Variants in CHCHD3 observed in about 807,000 individuals in gnomAD.
CHCHD3 encodes MICOS complex subunit MIC19.
Under a neutral mutation model 38.2 loss-of-function variants are expected in CHCHD3, and 20 were observed. The observed-to-expected ratio is 0.52, with a 90% CI of 0.37 to 0.76. The LOEUF (loss-of-function observed/expected upper bound fraction) is 0.76, where lower values mean the gene tolerates loss of function less well. Ranked by LOEUF, CHCHD3 falls within the 30% of genes least tolerant of loss-of-function variation. The pLI, the probability that CHCHD3 is intolerant of heterozygous loss-of-function variation, is 0.00. For synonymous variants in CHCHD3, 82 were observed against 100.0 expected (o/e 0.82, Z 1.07); for missense variants, 245 against 279.2 (o/e 0.88, Z 0.87).
intron 3 of CHCHD3, among the ~76,000 whole-genome samples, chr7:133,018,875 CTTTTTTTT>C (rs5887607): frequency 2.9e-5 from 2 of 70,150 alleles, no homozygotes; most frequent in Non-Finnish European, 4.9e-5. Flanking sequence ...CATGATTTCT[CTTTTTTTT>C]TTTTTTTTTT....
At chr7:132,801,680 T>C (rs1176475564) in intron 6 of CHCHD3, among the ~76,000 whole-genome samples, 1 of 152,220 alleles carries the variant, frequency 6.6e-6, no homozygotes, top group Non-Finnish European at 1.5e-5. Context: ...ATGAGGGCCA[T>C]ACTATTTAAT....
intron 4 of CHCHD3, among the ~76,000 whole-genome samples, chr7:132,889,289 A>G (rs1809302282): frequency 6.6e-6 from 1 of 152,064 alleles, no homozygotes; most frequent in African/African-American, 2.4e-5. Flanking sequence ...AAACACTCAT[A>G]CTAGGTAATG....
chr7:132,859,479 A>G (rs1808427518), intron 5 of CHCHD3, among the ~76,000 whole-genome samples: 2 of 152,242 alleles, frequency 1.3e-5, no homozygotes, highest in South Asian at 4.1e-4. Flanking sequence ...CAGCAATTAT[A>G]AAGGTCAAAG....
chr7:132,793,527 T>C (rs1198231508), intron 7 of CHCHD3, among the ~76,000 whole-genome samples: 1 of 152,198 alleles, frequency 6.6e-6, no homozygotes, highest in African/African-American at 2.4e-5. Context: ...TGAGAAATTG[T>C]TGAAGAACAG....
intron 5 of CHCHD3, among the ~76,000 whole-genome samples, chr7:132,858,305 C>T (rs1302913209): frequency 6.6e-6 from 1 of 152,052 alleles, no homozygotes; most frequent in African/African-American, 2.4e-5. Context: ...TCAGGTGATC[C>T]ACCTGCTTCA....
intron 2 of CHCHD3, among the ~76,000 whole-genome samples, chr7:133,067,289 C>G (rs1198041977): frequency 2.0e-5 from 3 of 152,176 alleles, no homozygotes; most frequent in African/African-American, 7.2e-5. Context: ...AATCTACCTA[C>G]AACAAATCAT....
At chr7:132,797,859 A>G (rs1389421821) in intron 6 of CHCHD3, among the ~76,000 whole-genome samples, 2 of 152,202 alleles carry the variant, frequency 1.3e-5, no homozygotes, top group Non-Finnish European at 2.9e-5. Flanking sequence ...GATTAAATAC[A>G]TACAGAGAAA....
intron 5 of CHCHD3, among the ~76,000 whole-genome samples, chr7:132,867,757 C>T (rs1350161965): frequency 2.0e-5 from 3 of 151,676 alleles, no homozygotes; most frequent in Non-Finnish European, 4.4e-5. Context: ...ATACCAATAC[C>T]CTGTTATGCT....
intron 4 of CHCHD3, among the ~76,000 whole-genome samples, chr7:132,896,998 T>C (rs1809517673): frequency 6.6e-6 from 1 of 152,224 alleles, no homozygotes; most frequent in Admixed American, 6.5e-5. Flanking sequence ...TATCAACTAC[T>C]GAATGCTACC....
At chr7:132,885,230 C>T (rs1051720860) in intron 5 of CHCHD3, among the ~76,000 whole-genome samples, 4 of 151,804 alleles carry the variant, frequency 2.6e-5, no homozygotes, top group Admixed American at 2.0e-4. Context: ...CCAGTCTGGG[C>T]GACAGAGTGA....
chr7:133,016,140 C>T (rs1183097383), intron 3 of CHCHD3, among the ~76,000 whole-genome samples: 2 of 152,142 alleles, frequency 1.3e-5, no homozygotes, highest in Non-Finnish European at 2.9e-5. Context: ...AGAACCAAAC[C>T]ATATAACTTG....
chr7:132,807,912 G>A (rs1806973327), intron 6 of CHCHD3, among the ~76,000 whole-genome samples: 1 of 151,592 alleles, frequency 6.6e-6, no homozygotes, highest in Non-Finnish European at 1.5e-5. Context: ...TTGCTGTAAT[G>A]AAGTTTGCTT....
intron 2 of CHCHD3, chr7:133,034,941 C>T (rs552196124): frequency 8.5e-5 from 137 of 1,602,780 alleles, no homozygotes; most frequent in Middle Eastern, 1.7e-4. Flanking sequence ...TTCAGGGAAG[C>T]GATACTCTGA....
chr7:133,018,987 G>A (rs1457711236), intron 3 of CHCHD3, among the ~76,000 whole-genome samples: 1 of 142,724 alleles, frequency 7.0e-6, no homozygotes, highest in African/African-American at 2.6e-5. Context: ...GGGTTCAAGC[G>A]ATTCTCGTGC....
intron 6 of CHCHD3, among the ~76,000 whole-genome samples, chr7:132,831,802 G>T (rs1807657479): frequency 6.6e-6 from 1 of 152,046 alleles, no homozygotes; most frequent in Admixed American, 6.6e-5. Context: ...AGGCTCACTG[G>T]CTTATGCATC....
intron 4 of CHCHD3, among the ~76,000 whole-genome samples, chr7:132,954,390 C>T (rs1280763921): frequency 6.6e-6 from 1 of 152,142 alleles, no homozygotes; most frequent in Admixed American, 6.6e-5. Context: ...CTCATGGCCA[C>T]GACACTAGAC....
intron 5 of CHCHD3, among the ~76,000 whole-genome samples, chr7:132,842,848 G>C (rs1415328547): frequency 6.6e-6 from 1 of 152,136 alleles, no homozygotes; most frequent in Non-Finnish European, 1.5e-5. Flanking sequence ...AGTGGTGTCT[G>C]CGGGGATTCT....
intron 3 of CHCHD3, among the ~76,000 whole-genome samples, chr7:133,019,725 AT>A (rs1213911704): frequency 2.6e-5 from 4 of 152,156 alleles, no homozygotes; most frequent in Non-Finnish European, 5.9e-5. Context: ...TGAAAAAAAA[AT>A]GTTATTATAA....
At chr7:132,890,549 T>C (rs548698309) in intron 4 of CHCHD3, among the ~76,000 whole-genome samples, 1 of 152,324 alleles carries the variant, frequency 6.6e-6, no homozygotes, top group African/African-American at 2.4e-5. Context: ...TGTTACTTTG[T>C]ATATCAAGCA....
Sources: allele counts gnomAD v4.1 joint callset (sites outside exome capture counted in the v4.1 genomes callset), GRCh38; gene constraint gnomAD v4.1.1; transcripts MANE v1.5; gene names NCBI Gene and HGNC (gene_info 2026-07-23, HGNC 2026-07-21).